ANK2: variants seen among roughly 807,000 people sequenced by gnomAD.
ANK2 encodes ankyrin 2, also known as ankyrin-2.
ANK2 carries 83 observed loss-of-function variants against 360.5 expected under a neutral mutation model. The observed-to-expected ratio is 0.23, with a 90% CI of 0.19 to 0.28. The LOEUF (loss-of-function observed/expected upper bound fraction) is 0.28, where lower values mean the gene tolerates loss of function less well. Among genes scored for constraint, ANK2 ranks in the 10% least tolerant of loss-of-function variants. ANK2 has a pLI of 1.00. For synonymous variants in ANK2, 1,740 were observed against 1,759.5 expected (o/e 0.99, Z 0.28); for missense variants, 4,201 against 4,795.7 (o/e 0.88, Z 3.66).
chr4:112,816,226 A>G (rs879438037), upstream of ANK2, among the ~76,000 whole-genome samples: 28 of 152,354 alleles, frequency 1.8e-4, no homozygotes, highest in Admixed American at 3.3e-4. Context: ...TGAAAAACCC[A>G]CATATCTGGT....
In ANK2 at chr4:113,333,121, C is replaced by T. The variant is rs754235325; in HGVS notation, c.3292C>T (p.Arg1098Cys). 1 of 1,614,148 alleles carries T rather than the reference C, an allele frequency of 6.2e-7. No homozygotes were observed. The highest frequency in any genetic ancestry group is 8.5e-7 in the Non-Finnish European group (1 of 1,180,024). ...AAAGGAAAGGGAACTGGTGGTCCTG[C>T]GCAGTGAGAATGGGGACAGCTGGAA... ...RGKERELVVL[R>C]SENGDSWKEH... Residue 1098 changes from arginine to cysteine, a missense_variant, in exon 29 of 46, where the codon CGC becomes TGC. By Grantham distance (180) the Arg-to-Cys change is radical. Transcript: ENST00000357077.
chr4:113,196,182 C>T (rs2098744831), intron 2 of ANK2, among the ~76,000 whole-genome samples, 186 bp from the exon 3 acceptor site: 1 of 152,106 alleles, frequency 6.6e-6, no homozygotes, highest in African/African-American at 2.4e-5. Flanking sequence ...ACCTTATTGC[C>T]TCTCTGAATC....
Position 112,905,737 on chromosome 4 carries a change from G to T in ANK2, c.21+1223G>T, listed in dbSNP as rs545269343. On this transcript the variant is annotated intron_variant, in intron 2 of 30. Transcript: ENST00000503271. Reference sequence around the variant, plus strand: ...AGTGCAGTGGCACAATCATGGCTCAGTGCAGCCTCCACCTTCCGGGCTCAA... The same window carrying T: ...AGTGCAGTGGCACAATCATGGCTCATTGCAGCCTCCACCTTCCGGGCTCAA... Among the ~76,000 whole-genome samples, 639 of 152,226 alleles carry T rather than the reference G, an allele frequency of 4.2e-3. 2 individuals carry two copies. The highest frequency in any genetic ancestry group is 7.0e-3 in the Non-Finnish European group (474 of 68,018).
chr4:113,156,193 C>G (rs1317368165), intron 1 of ANK2, among the ~76,000 whole-genome samples: 2 of 152,034 alleles, frequency 1.3e-5, no homozygotes, highest in Non-Finnish European at 2.9e-5. Flanking sequence ...ATGCTAAAAA[C>G]AATGATAATC....
chr4:113,287,005 G>GAT (rs1428899327), intron 18 of ANK2, among the ~76,000 whole-genome samples: 5 of 152,006 alleles, frequency 3.3e-5, no homozygotes, highest in African/African-American at 1.2e-4. Flanking sequence ...ATAATTACTT[G>GAT]ATGTATATAT....
At chr4:113,191,997 A>G (rs559921722) in intron 2 of ANK2, among the ~76,000 whole-genome samples, 48 of 152,294 alleles carry the variant, frequency 3.2e-4, no homozygotes, top group African/African-American at 1.0e-3. Flanking sequence ...TTGCATCACA[A>G]CACCCATCTA....
chr4:112,717,933 GCTGA>G, the ANK2 span, among the ~76,000 whole-genome samples: 1 of 152,144 alleles, frequency 6.6e-6, no homozygotes, highest in African/African-American at 2.4e-5. Context: ...TGATTATATA[GCTGA>G]CTTAGTTCTT....
chr4:113,326,025 G>A (rs1209873093), intron 26 of ANK2, among the ~76,000 whole-genome samples: 1 of 152,144 alleles, frequency 6.6e-6, no homozygotes, highest in African/African-American at 2.4e-5. Flanking sequence ...CTGCAAACAT[G>A]AGAAAAATCA....
At chr4:112,930,456 A>C (rs1489250161) in intron 2 of ANK2, among the ~76,000 whole-genome samples, 3 of 151,730 alleles carry the variant, frequency 2.0e-5, no homozygotes, top group Non-Finnish European at 4.4e-5. Flanking sequence ...CTCAAAAAAA[A>C]AAAAAAGAAA....
At chr4:113,117,535 C>T (rs1303773805) in intron 1 of ANK2, 5 of 395,262 alleles carry the variant, frequency 1.3e-5, no homozygotes, top group African/African-American at 2.1e-5. Context: ...CATTTCTAAG[C>T]TCAGTTTGCA....
chr4:112,713,227 C>T, the ANK2 span, among the ~76,000 whole-genome samples: 5 of 152,090 alleles, frequency 3.3e-5, no homozygotes, highest in African/African-American at 9.7e-5. Context: ...AGTATTCCAT[C>T]GTATGGGTGC....
chr4:113,323,763 G>T (rs368551890), intron 26 of ANK2: 2 of 1,610,942 alleles, frequency 1.2e-6, no homozygotes, highest in Admixed American at 1.7e-5. Flanking sequence ...TTGCAGCCGC[G>T]CCTCTCCATG....
the ANK2 span, among the ~76,000 whole-genome samples, chr4:112,810,608 A>AT: frequency 6.6e-6 from 1 of 151,468 alleles, no homozygotes; most frequent in Admixed American, 6.6e-5. Context: ...CTGGAGTGCA[A>AT]TGGTGCAATC....
At chr4:112,828,268 T>C (rs990208943) in intron 1 of ANK2, among the ~76,000 whole-genome samples, 13 of 139,268 alleles carry the variant, frequency 9.3e-5, no homozygotes, top group Non-Finnish European at 7.6e-5. Context: ...AGAGTCTTGC[T>C]CTGTCGCCCA....
intron 2 of ANK2, among the ~76,000 whole-genome samples, chr4:112,957,584 G>A (rs1222382202): frequency 1.3e-5 from 2 of 152,024 alleles, no homozygotes; most frequent in Non-Finnish European, 2.9e-5. Flanking sequence ...CTTCCCAGTA[G>A]GGGCGGCCGG....
chr4:112,751,101 A>G, the ANK2 span, among the ~76,000 whole-genome samples: 3 of 152,148 alleles, frequency 2.0e-5, no homozygotes, highest in Non-Finnish European at 4.4e-5. Context: ...TTAATGCATC[A>G]TCATAACCCA....
chr4:112,958,519 G>A (rs895202785), intron 2 of ANK2, among the ~76,000 whole-genome samples: 1 of 152,184 alleles, frequency 6.6e-6, no homozygotes, highest in Non-Finnish European at 1.5e-5. Context: ...AGGCAGGGAG[G>A]CTGCAGCGAG....
At chr4:113,045,654 T>A (rs1385604498), upstream of ANK2, among the ~76,000 whole-genome samples, 1 of 152,226 alleles carries the variant, frequency 6.6e-6, no homozygotes, top group Non-Finnish European at 1.5e-5. Context: ...ACAACAAAGA[T>A]CTCTGTTCTC....
At position 113,292,511 on chromosome 4, in the gene ANK2, T is replaced by C; in HGVS notation, c.2373T>C (p.Thr791=). Residue 791 remains threonine (T), a synonymous_variant, in exon 21 of 46, where the codon ACT becomes ACC. Transcript: ENST00000357077. Reference sequence around the variant, plus strand: ...ATGGGGCCAAGCCCAACGCCACCACTGCGGTAAGGCAGACGCCACTGCCCC... The same window carrying C: ...ATGGGGCCAAGCCCAACGCCACCACCGCGGTAAGGCAGACGCCACTGCCCC... ...LQHGAKPNAT[T]ANGNTALAIA... 3 of 1,607,224 alleles carry C rather than the reference T, an allele frequency of 1.9e-6. No homozygotes were observed. The highest frequency in any genetic ancestry group is 2.5e-6 in the Non-Finnish European group (3 of 1,176,542).
Sources: gnomAD v4.1 joint callset for allele counts (sites outside exome capture counted in the v4.1 genomes callset) on GRCh38, gnomAD v4.1.1 for gene constraint, MANE v1.5 for transcripts, NCBI Gene and HGNC (gene_info 2026-07-23, HGNC 2026-07-21) for gene names.